Variants in HCFC2 observed in about 807,000 individuals in gnomAD.
The protein encoded by HCFC2 is host cell factor 2.
Under a neutral mutation model 89.2 loss-of-function variants are expected in HCFC2, and 18 were observed. The ratio of observed to expected loss-of-function variants is 0.20; its 90% confidence interval spans 0.14 to 0.30. HCFC2 has a LOEUF of 0.30. Ranked by LOEUF, HCFC2 falls within the 10% of genes least tolerant of loss-of-function variation. HCFC2 has a pLI of 1.00. For missense variants in HCFC2, 578 were observed against 956.1 expected, an observed-to-expected ratio of 0.60 and a Z score of 5.21; for synonymous variants, 308 against 335.7, an observed-to-expected ratio of 0.92 and a Z score of 0.90.
chr12:104,082,555 C>T lies in HCFC2; in HGVS notation c.823C>T (p.Pro275Ser), dbSNP rs1019821347. The T allele has an allele frequency of 8.7e-6, 14 of 1,613,666 alleles. No homozygotes were observed. Among genetic ancestry groups the T allele is most frequent in the African/African-American group, 8.0e-5 (6 of 74,914 alleles). Residue 275 changes from proline (P) to serine (S), a missense_variant, in exon 6 of 15, where the codon CCT becomes TCT. Pro to Ser is a moderately conservative substitution (Grantham distance 74). Around this residue, in one of 4 missense-constraint regions of HCFC2, gnomAD observed 206 missense variants for 419.2 expected, o/e 0.49. Transcript: ENST00000229330. ...PHKGENTETSPHDCEWRCTSS... is the reference protein window; with the variant it reads ...PHKGENTETSSHDCEWRCTSS... Reference sequence around the variant, plus strand: ...TAAGGGGGAAAATACTGAGACTTCACCTCATGATTGTGAATGGAGATGTAC... The same window carrying T: ...TAAGGGGGAAAATACTGAGACTTCATCTCATGATTGTGAATGGAGATGTAC...
At chr12:104,069,998 CT>C in intron 3 of HCFC2, among the ~76,000 whole-genome samples, 1 of 152,060 alleles carries the variant, frequency 6.6e-6, no homozygotes, top group Non-Finnish European at 1.5e-5. Flanking sequence ...TGGTTTCCAG[CT>C]TCATCCATGT....
intron 3 of HCFC2, 109 bp from the exon 4 acceptor site, chr12:104,079,336 C>A: frequency 3.5e-6 from 3 of 848,274 alleles, no homozygotes; most frequent in Non-Finnish European, 5.4e-6. Flanking sequence ...CCTTTCTGTA[C>A]TATATGAACT....
At chr12:104,090,877 G>A (rs1041291555) in intron 9 of HCFC2, 6 of 152,172 alleles carry the variant, frequency 3.9e-5, no homozygotes, top group Non-Finnish European at 7.3e-5. Context: ...GAAGGCCTAT[G>A]CATGTGGGTG....
chr12:104,089,499 G>A (rs1219350957), intron 9 of HCFC2, among the ~76,000 whole-genome samples: 1 of 152,118 alleles, frequency 6.6e-6, no homozygotes, highest in Non-Finnish European at 1.5e-5. Context: ...CTGGGTGACC[G>A]AGCAAGACTC....
At chr12:104,072,233 G>A (rs987843577) in intron 3 of HCFC2, among the ~76,000 whole-genome samples, 4 of 152,142 alleles carry the variant, frequency 2.6e-5, no homozygotes, top group Non-Finnish European at 4.4e-5. Flanking sequence ...TTAGCCGGGT[G>A]TAGTGGTATG....
At chr12:104,087,409 ACGTGTG>A (rs1360214888) in intron 8 of HCFC2, among the ~76,000 whole-genome samples, 10 of 52,226 alleles carry the variant, frequency 1.9e-4, no homozygotes, top group African/African-American at 5.5e-4. Flanking sequence ...ATACTGCAGT[ACGTGTG>A]TGTGTGTGTG....
chr12:104,096,448 T>G lies in HCFC2; in HGVS notation c.1740+15T>G. ...CGCCGTTTTCTGTAAGTACATGACC[T>G]GGTGATGATGCATGTTTACACATGA... On this transcript the variant is annotated intron_variant, in intron 12 of 14. Coordinates refer to ENST00000229330, the MANE Select transcript of HCFC2 (RefSeq NM_013320.3). 6.4e-7 allele frequency: 1 copy of G among 1,568,452 alleles called. No homozygotes were observed. The highest frequency in any genetic ancestry group is 1.3e-5 in the African/African-American group (1 of 74,166).
At chr12:104,091,788 T>G (rs1432301106) in intron 9 of HCFC2, among the ~76,000 whole-genome samples, 1 of 152,192 alleles carries the variant, frequency 6.6e-6, no homozygotes, top group Non-Finnish European at 1.5e-5. Flanking sequence ...AGTATCATTT[T>G]CTTCATCTAT....
At chr12:104,082,110 A>C (rs986940701) in intron 5 of HCFC2, among the ~76,000 whole-genome samples, 33 of 152,292 alleles carry the variant, frequency 2.2e-4, no homozygotes, top group African/African-American at 7.9e-4. Context: ...AGTTATATGA[A>C]ATTTAATCCT....
chr12:104,070,031 T>A (rs1883270728), intron 3 of HCFC2, among the ~76,000 whole-genome samples: 1 of 149,288 alleles, frequency 6.7e-6, no homozygotes, highest in African/African-American at 2.5e-5. Flanking sequence ...ACATGAACTC[T>A]TTTTTTTTTG....
intron 3 of HCFC2, among the ~76,000 whole-genome samples, chr12:104,071,818 T>C (rs1400711292): frequency 3.3e-5 from 5 of 152,224 alleles, no homozygotes; most frequent in Admixed American, 6.5e-5. Flanking sequence ...TTGGCTAATA[T>C]TCATTATTGT....
chr12:104,086,722 C>G, intron 7 of HCFC2, 125 bp from the exon 8 acceptor site: 1 of 670,916 alleles, frequency 1.5e-6, no homozygotes, highest in African/African-American at 1.8e-5. Context: ...TAAACTTTCC[C>G]TGTCTTGGTA....
chr12:104,065,049 C>G, intron 1 of HCFC2: 1 of 252,640 alleles, frequency 4.0e-6, no homozygotes. Flanking sequence ...GGCCACTCCC[C>G]GAAATCTCGC....
intron 14 of HCFC2, 22 bp from the exon 15 acceptor site, chr12:104,102,937 G>GT (rs199962994): frequency 2.5e-5 from 40 of 1,573,630 alleles, no homozygotes; most frequent in Admixed American, 3.4e-5. Context: ...CCTTTAACCT[G>GT]TTTTTTCCCC....
At chr12:104,084,697 A>G (rs1883784679) in intron 7 of HCFC2, among the ~76,000 whole-genome samples, 1 of 152,216 alleles carries the variant, frequency 6.6e-6, no homozygotes. Context: ...TATGGAAAAA[A>G]TTGTAGGTGC....
chr12:104,083,418 G>A (rs934028132), intron 7 of HCFC2, among the ~76,000 whole-genome samples: 1 of 152,070 alleles, frequency 6.6e-6, no homozygotes, highest in African/African-American at 2.4e-5. Context: ...CAAAGTGAAG[G>A]AAAACAAGGG....
intron 3 of HCFC2, among the ~76,000 whole-genome samples, chr12:104,076,807 C>G (rs1883507880): frequency 6.6e-6 from 1 of 152,166 alleles, no homozygotes; most frequent in Non-Finnish European, 1.5e-5. Context: ...CCCCCACCAC[C>G]AACCCTGATC....
chr12:104,094,070 G>C (rs1349699524), intron 10 of HCFC2, among the ~76,000 whole-genome samples: 1 of 152,122 alleles, frequency 6.6e-6, no homozygotes, highest in East Asian at 1.9e-4. Flanking sequence ...CAATAGAATA[G>C]ATAATGATAC....
At chr12:104,078,648 G>T (rs1883587633) in intron 3 of HCFC2, among the ~76,000 whole-genome samples, 1 of 151,878 alleles carries the variant, frequency 6.6e-6, no homozygotes, top group South Asian at 2.1e-4. Context: ...GTGTCTTAAG[G>T]GATATTTATC....
Sources: allele counts gnomAD v4.1 joint callset (sites outside exome capture counted in the v4.1 genomes callset), GRCh38; gene constraint gnomAD v4.1.1; regional missense constraint gnomAD v4.1.1; transcripts MANE v1.5; gene names NCBI Gene and HGNC (gene_info 2026-07-23, HGNC 2026-07-21).